The following CCDC149 variants were observed in gnomAD, a reference collection of about 807,000 sequenced individuals.
CCDC149 encodes the protein coiled-coil domain containing 149.
CCDC149 carries 45 observed loss-of-function variants against 59.9 expected under a neutral mutation model. That is an observed-to-expected ratio of 0.75 (90% CI 0.59 to 0.96). The LOEUF is 0.96. Ranked by LOEUF, CCDC149 falls within the 40% of genes least tolerant of loss-of-function variation. The probability of loss-of-function intolerance (pLI) is 0.00; values close to 1 mark genes in which losing one functional copy is unlikely to be tolerated. For missense variants in CCDC149, 584 were observed against 664.7 expected, an observed-to-expected ratio of 0.88 and a Z score of 1.33; for synonymous variants, 245 against 260.6, an observed-to-expected ratio of 0.94 and a Z score of 0.58.
intron 1 of CCDC149, among the ~76,000 whole-genome samples, chr4:24,927,047 C>T (rs1722452114): frequency 6.6e-6 from 1 of 152,202 alleles, no homozygotes; most frequent in South Asian, 2.1e-4. Flanking sequence ...ACTTCTGCTA[C>T]ATCCCATAGG....
intron 1 of CCDC149, among the ~76,000 whole-genome samples, chr4:24,962,625 T>G (rs1479923471): frequency 6.6e-6 from 1 of 151,502 alleles, no homozygotes; most frequent in Admixed American, 6.6e-5. Context: ...CAGCAAACTA[T>G]CACAAGGACA....
At chr4:24,912,442 T>C (rs1305138985) in intron 1 of CCDC149, among the ~76,000 whole-genome samples, 1 of 152,002 alleles carries the variant, frequency 6.6e-6, no homozygotes, top group Non-Finnish European at 1.5e-5. Context: ...GGCACCACCT[T>C]CCCGTTTCAG....
chr4:24,856,040 C>A (rs1421404637), intron 3 of CCDC149, among the ~76,000 whole-genome samples: 1 of 152,192 alleles, frequency 6.6e-6, no homozygotes, highest in Non-Finnish European at 1.5e-5. Context: ...AGAATGCCTA[C>A]CACAGTGCCT....
chr4:24,833,804 G>C (rs1385676699), intron 8 of CCDC149, among the ~76,000 whole-genome samples: 1 of 152,170 alleles, frequency 6.6e-6, no homozygotes, highest in African/African-American at 2.4e-5. Flanking sequence ...TTGGTTCAAA[G>C]GGGGCCAGTT....
At chr4:24,822,461 A>C in intron 10 of CCDC149, 36 bp downstream of exon 10, 2 of 1,405,238 alleles carry the variant, frequency 1.4e-6, no homozygotes, top group South Asian at 2.8e-5. Flanking sequence ...AAAGAAAAAA[A>C]AAAAAGGAAA....
intron 1 of CCDC149, among the ~76,000 whole-genome samples, chr4:24,974,129 C>G (rs570211229): frequency 2.6e-5 from 4 of 152,338 alleles, no homozygotes; most frequent in African/African-American, 9.6e-5. Context: ...ACTAGGTCAG[C>G]CTCGGGCACA....
At chr4:24,930,806 TA>T (rs1722565217) in intron 1 of CCDC149, among the ~76,000 whole-genome samples, 1 of 152,178 alleles carries the variant, frequency 6.6e-6, no homozygotes, top group African/African-American at 2.4e-5. Flanking sequence ...GAAATCATGA[TA>T]AAAAATTTCT....
intron 3 of CCDC149, among the ~76,000 whole-genome samples, chr4:24,867,904 G>A (rs1165639309): frequency 1.3e-5 from 2 of 152,152 alleles, no homozygotes; most frequent in African/African-American, 4.8e-5. Flanking sequence ...AAGGCCAGTG[G>A]GCAATAATAC....
At chr4:24,979,809 T>C (rs938708520) in intron 1 of CCDC149, among the ~76,000 whole-genome samples, 15 of 152,114 alleles carry the variant, frequency 9.9e-5, no homozygotes, top group African/African-American at 2.9e-4. Flanking sequence ...TGCTCAGCTC[T>C]CTCTAAACAC....
At chr4:24,885,060 G>C (rs1451435701) in intron 1 of CCDC149, among the ~76,000 whole-genome samples, 1 of 152,164 alleles carries the variant, frequency 6.6e-6, no homozygotes. Flanking sequence ...TGTGTGTTCA[G>C]AACAGTGAGC....
In CCDC149 at chr4:24,952,105, A is replaced by G. The variant is rs7668111; in HGVS notation, c.-65+27964T>C. 3.7e-3 allele frequency among the ~76,000 whole-genome samples: 559 copies of G among 152,182 alleles called. 4 individuals are homozygous for G. Among genetic ancestry groups the G allele is most frequent in the African/African-American group, 0.013 (538 of 41,500 alleles). On this transcript the variant is annotated intron_variant, in intron 1 of 12. Coordinates refer to the CCDC149 transcript ENST00000389609. ...ATAAAGTCCCCAACAATTTCTCTCA[A>G]TTAGGCTTTAGGGCACTCACAACCC...
intron 4 of CCDC149, among the ~76,000 whole-genome samples, chr4:24,844,441 G>C (rs1349190525): frequency 6.6e-6 from 1 of 152,144 alleles, no homozygotes; most frequent in East Asian, 1.9e-4. Context: ...AAAAGCTTCA[G>C]GTTGAGGGCA....
chr4:24,841,658 G>A (rs186043971), intron 4 of CCDC149, among the ~76,000 whole-genome samples: 97 of 152,320 alleles, frequency 6.4e-4, no homozygotes, highest in Middle Eastern at 6.8e-3. Flanking sequence ...CCTGCCTTCC[G>A]AGCTGACAGC....
chr4:24,874,973 T>C (rs1719317946), intron 2 of CCDC149, among the ~76,000 whole-genome samples: 2 of 152,200 alleles, frequency 1.3e-5, no homozygotes, highest in African/African-American at 2.4e-5. Context: ...ACAAAAATTA[T>C]GGATATGTCC....
intron 4 of CCDC149, among the ~76,000 whole-genome samples, chr4:24,847,900 C>T (rs1717403999): frequency 6.6e-6 from 1 of 152,196 alleles, no homozygotes; most frequent in Admixed American, 6.5e-5. Flanking sequence ...CAGTATTTAT[C>T]ACACAGACAT....
rs1716611000 is a variant in CCDC149, at chr4:24,837,380, G to T, written c.510C>A (p.Asp170Glu). 3 of 1,614,034 alleles carry T rather than the reference G, an allele frequency of 1.9e-6. No homozygotes were observed. Among genetic ancestry groups the T allele is most frequent in the South Asian group, 2.2e-5 (2 of 91,078 alleles). ...GAAGCTCGTCCACAGAAGCCTGCAGGTCGTGCTCCAGAGACTCAATCTAAA... is the reference window on the plus strand; with the variant it reads ...GAAGCTCGTCCACAGAAGCCTGCAGTTCGTGCTCCAGAGACTCAATCTAAA... The change falls in exon 6 of 13, where the codon GAC (aspartate) becomes GAA (glutamate). Residue 170 changes from aspartate to glutamate, a missense_variant. By Grantham distance (45) the Asp-to-Glu change is conservative. Coordinates refer to ENST00000635206, the MANE Select transcript of CCDC149 (RefSeq NM_001330643.2). The surrounding 1 kb of genome is among the most constrained non-coding windows in gnomAD (Gnocchi z 4.3).
rs548445428 is a variant in CCDC149, at chr4:24,849,862, A to C, written c.372+3210T>G. On this transcript the variant is annotated intron_variant, in intron 4 of 12. Coordinates refer to ENST00000635206, the MANE Select transcript of CCDC149 (RefSeq NM_001330643.2). The stretch of plus-strand genomic sequence containing the variant: ...TGTTTGGCCTCAGAGTTAGGCGTCC[A>C]AAAACAGCAATTATTAAGTATTCTT... 7.9e-5 allele frequency among the ~76,000 whole-genome samples: 12 copies of C among 152,354 alleles called. No individual in the cohort carries two copies. The East Asian group carries it at 2.3e-3, about 29-fold the overall frequency.
At chr4:24,820,141 A>C (rs1715295805) in intron 11 of CCDC149, 166 bp from the exon 12 acceptor site, 2 of 592,924 alleles carry the variant, frequency 3.4e-6, no homozygotes, top group Non-Finnish European at 6.0e-6. Flanking sequence ...ACACTATTGC[A>C]CCACCCTAGC....
chr4:24,931,951 C>A (rs1031987455), intron 1 of CCDC149, among the ~76,000 whole-genome samples: 8 of 150,606 alleles, frequency 5.3e-5, no homozygotes, highest in Non-Finnish European at 8.9e-5. Flanking sequence ...CTCATAGTAA[C>A]CCTATGAAGT....
Sources: gnomAD v4.1 joint callset for allele counts (sites outside exome capture counted in the v4.1 genomes callset) on GRCh38, gnomAD v4.1.1 for gene constraint, Gnocchi (gnomAD v3.1) non-coding constraint, MANE v1.5 for transcripts, NCBI Gene and HGNC (gene_info 2026-07-23, HGNC 2026-07-21) for gene names.